ZNF133: variants seen among roughly 807,000 people sequenced by gnomAD.
ZNF133 encodes the protein zinc finger protein 133.
ZNF133 carries 26 observed loss-of-function variants against 54.9 expected under a neutral mutation model. That is an observed-to-expected ratio of 0.47 (90% CI 0.35 to 0.66). The LOEUF (loss-of-function observed/expected upper bound fraction) is 0.66, where lower values mean the gene tolerates loss of function less well. Among genes scored for constraint, ZNF133 ranks in the 30% least tolerant of loss-of-function variants. ZNF133 has a pLI of 0.01. For missense variants in ZNF133, 653 were observed against 820.8 expected, an observed-to-expected ratio of 0.80 and a Z score of 2.50; for synonymous variants, 298 against 320.3, an observed-to-expected ratio of 0.93 and a Z score of 0.74.
At chr20:18,291,102 A>G (rs2040873222) in intron 1 of ZNF133, among the ~76,000 whole-genome samples, 1 of 152,160 alleles carries the variant, frequency 6.6e-6, no homozygotes, top group African/African-American at 2.4e-5. Flanking sequence ...GTATCCTCCT[A>G]TTCCACCTGT....
At position 18,315,623 on chromosome 20, in the gene ZNF133, G is replaced by A. The variant is rs1227003646; in HGVS notation, c.772G>A (p.Ala258Thr). ...GGGCTTCAGCCTAAAGAAGAGCCTC[G>A]CCAGACACCAGAAGGCACACTCGGG... Reference protein sequence around the residue: ...EKGFSLKKSLARHQKAHSGEK... With the variant: ...EKGFSLKKSLTRHQKAHSGEK... The change falls in exon 7 of 7, where the codon GCC (alanine) becomes ACC (threonine). Residue 258 changes from alanine to threonine, a missense_variant. Physicochemically the swap from Ala to Thr is moderately conservative, Grantham distance 58. Around this residue, in one of 4 missense-constraint regions of ZNF133, gnomAD observed 292 missense variants for 431.6 expected, o/e 0.68. Coordinates refer to ENST00000425686, the MANE Select transcript of ZNF133 (RefSeq NM_001352452.2). 10 of 1,613,770 alleles carry A rather than the reference G, an allele frequency of 6.2e-6. No homozygotes were observed. In the East Asian group the frequency reaches 1.3e-4, roughly 22 times the overall value.
At chr20:18,308,331 C>G (rs1229794446) in intron 6 of ZNF133, among the ~76,000 whole-genome samples, 2 of 152,058 alleles carry the variant, frequency 1.3e-5, no homozygotes, top group East Asian at 3.8e-4. Flanking sequence ...AATTGAGGGA[C>G]CATAGCATAC....
intron 6 of ZNF133, among the ~76,000 whole-genome samples, chr20:18,312,360 C>T (rs1380062980): frequency 6.6e-6 from 1 of 152,172 alleles, no homozygotes; most frequent in Non-Finnish European, 1.5e-5. Context: ...TTTGAGAAAG[C>T]CTACATATCA....
chr20:18,306,653 A>C (rs1199871470), intron 6 of ZNF133: 5 of 1,222,990 alleles, frequency 4.1e-6, no homozygotes, highest in African/African-American at 1.6e-5. Context: ...TAGCTCACTC[A>C]GTTCTCTTTC....
chr20:18,289,668 T>C (rs887202962), intron 1 of ZNF133, among the ~76,000 whole-genome samples: 2 of 152,182 alleles, frequency 1.3e-5, no homozygotes, highest in South Asian at 2.1e-4. Flanking sequence ...ATCTATCGTA[T>C]TGGGTTGTTG....
chr20:18,297,379 C>A (rs2042438272), intron 1 of ZNF133, among the ~76,000 whole-genome samples: 1 of 151,656 alleles, frequency 6.6e-6, no homozygotes, highest in Non-Finnish European at 1.5e-5. Flanking sequence ...TGTTTCTTTA[C>A]TTTTTTTGTC....
At chr20:18,312,677 G>C (rs1354988640) in intron 6 of ZNF133, 1 of 152,070 alleles carries the variant, frequency 6.6e-6, no homozygotes, top group East Asian at 1.9e-4. Context: ...TCAGAAACTG[G>C]CATATTTGAA....
At chr20:18,308,750 T>A (rs1188688189) in intron 6 of ZNF133, among the ~76,000 whole-genome samples, 1 of 152,178 alleles carries the variant, frequency 6.6e-6, no homozygotes, top group African/African-American at 2.4e-5. Context: ...TCAAACCAAG[T>A]GGTGTTAACT....
intron 6 of ZNF133, 115 bp from the exon 7 acceptor site, chr20:18,314,954 C>A: frequency 3.0e-6 from 3 of 1,009,728 alleles, no homozygotes; most frequent in Non-Finnish European, 2.8e-6. Context: ...AAAGGAAGTC[C>A]CGGTTGGATG....
chr20:18,306,842 C>A, intron 6 of ZNF133: 1 of 1,043,016 alleles, frequency 9.6e-7, no homozygotes, highest in Non-Finnish European at 1.2e-6. Flanking sequence ...ATGGCTTTTA[C>A]ATTTTATAAT....
intron 3 of ZNF133, among the ~76,000 whole-genome samples, chr20:18,303,519 GGACTTACAGTTCCTTATTTCA>G (rs2043890709): frequency 6.6e-6 from 1 of 152,134 alleles, no homozygotes; most frequent in South Asian, 2.1e-4. Context: ...CCAAGTTGGA[GGACTTACAGTTCCTTATTTCA>G]GAATTTACTA....
rs185248360 is a variant in ZNF133, at chr20:18,309,915, G to A, written c.217+3522G>A. ...AGGTGTCTAGCCAAGGACATGGAAG[G>A]AATGTTGGACAGAGAAGGAGAGGAT... On this transcript the variant is annotated intron_variant, in intron 6 of 6. Transcript: ENST00000425686. Among the ~76,000 whole-genome samples the A allele has an allele frequency of 1.3e-3, 200 of 152,292 alleles. 2 individuals carry two copies. The highest frequency in any genetic ancestry group is 4.7e-3 in the African/African-American group (194 of 41,556).
intron 3 of ZNF133, among the ~76,000 whole-genome samples, chr20:18,302,281 T>C (rs1170518439): frequency 6.6e-6 from 1 of 151,696 alleles, no homozygotes; most frequent in African/African-American, 2.4e-5. Context: ...CACGTGCCTG[T>C]AATCCCAGCT....
intron 1 of ZNF133, among the ~76,000 whole-genome samples, chr20:18,292,141 C>T (rs550428327): frequency 2.0e-5 from 3 of 152,302 alleles, no homozygotes; most frequent in African/African-American, 4.8e-5. Context: ...TCCAGGCCAC[C>T]GTCTCATCTG....
chr20:18,307,970 A>G (rs1042324191), intron 6 of ZNF133, among the ~76,000 whole-genome samples: 6 of 152,116 alleles, frequency 3.9e-5, no homozygotes, highest in African/African-American at 1.4e-4. Context: ...AGGATTTTGT[A>G]TACTATGCAG....
At chr20:18,295,707 G>C (rs924564295) in intron 1 of ZNF133, among the ~76,000 whole-genome samples, 2 of 151,912 alleles carry the variant, frequency 1.3e-5, no homozygotes, top group African/African-American at 2.4e-5. Flanking sequence ...ACCTAGACTG[G>C]AGTGCAGTGA....
chr20:18,300,447 A>ACAAAAAG (rs1365846542), intron 3 of ZNF133, among the ~76,000 whole-genome samples: 1 of 152,220 alleles, frequency 6.6e-6, no homozygotes, highest in Non-Finnish European at 1.5e-5. Context: ...CATGTAGAAA[A>ACAAAAAG]CAAAAAGCAA....
chr20:18,305,921 A>G lies in ZNF133; in HGVS notation c.121+114A>G. 7.4e-7 allele frequency: 1 copy of G among 1,360,432 alleles called. No homozygotes were observed. The highest frequency in any genetic ancestry group is 1.0e-6 in the Non-Finnish European group (1 of 1,003,986). 84.3% of individuals were successfully genotyped at this position (1,360,432 alleles called of 1,614,324 possible). On this transcript the variant is annotated intron_variant, in intron 5 of 6. Transcript: ENST00000425686. The surrounding 1 kb of genome is among the most constrained non-coding windows in gnomAD (Gnocchi z 4.7). ...CTTTGGGTTGGACCAAAAAGCAACT[A>G]CATTTTATTCGTGTTTCCCCAGGGA...
At chr20:18,300,875 A>G (rs915807896) in intron 3 of ZNF133, among the ~76,000 whole-genome samples, 35 of 152,082 alleles carry the variant, frequency 2.3e-4, no homozygotes, top group African/African-American at 8.4e-4. Context: ...TCAGTACCCC[A>G]CTCTAAATAA....
Sources: allele counts gnomAD v4.1 joint callset (sites outside exome capture counted in the v4.1 genomes callset), GRCh38; gene constraint gnomAD v4.1.1; regional missense constraint gnomAD v4.1.1; non-coding constraint Gnocchi (gnomAD v3.1); transcripts MANE v1.5; gene names NCBI Gene and HGNC (gene_info 2026-07-23, HGNC 2026-07-21).